Variants in SPHKAP observed in about 807,000 individuals in gnomAD.
The protein encoded by SPHKAP is A-kinase anchor protein SPHKAP.
In SPHKAP, 67 loss-of-function variants were observed where a neutral mutation model predicts 137.5. That is an observed-to-expected ratio of 0.49 (90% CI 0.40 to 0.60). SPHKAP has a LOEUF of 0.60. SPHKAP is among the 20% of genes least tolerant of loss of function. SPHKAP has a pLI of 0.00. For missense variants in SPHKAP, 2,097 were observed against 2,069.3 expected (o/e 1.01, Z -0.26); for synonymous variants, 813 against 785.3 (o/e 1.04, Z -0.59).
chr2:228,118,240 GTTTTTTTTTTT>G (rs71299665), intron 2 of SPHKAP, among the ~76,000 whole-genome samples: 3 of 124,146 alleles, frequency 2.4e-5, no homozygotes, highest in South Asian at 5.5e-4. Flanking sequence ...GAGATACACA[GTTTTTTTTTTT>G]TTTTTTTTTT....
intron 2 of SPHKAP, among the ~76,000 whole-genome samples, chr2:228,114,369 A>C (rs1698638488): frequency 6.6e-6 from 1 of 152,134 alleles, no homozygotes; most frequent in South Asian, 2.1e-4. Context: ...ACAGCCCCAA[A>C]CATGACTGAG....
intron 7 of SPHKAP, among the ~76,000 whole-genome samples, chr2:228,015,747 GC>G (rs1694558116): frequency 6.6e-6 from 1 of 152,122 alleles, no homozygotes; most frequent in African/African-American, 2.4e-5. Flanking sequence ...CTAAAGGGCA[GC>G]CCTTCTAGGA....
chr2:228,155,395 T>C (rs969455692), intron 1 of SPHKAP, among the ~76,000 whole-genome samples: 7 of 152,196 alleles, frequency 4.6e-5, no homozygotes, highest in African/African-American at 1.7e-4. Flanking sequence ...ATGCTCCATA[T>C]AAATCATAAA....
At chr2:228,125,041 C>T (rs1699029578) in intron 2 of SPHKAP, among the ~76,000 whole-genome samples, 1 of 152,160 alleles carries the variant, frequency 6.6e-6, no homozygotes, top group Non-Finnish European at 1.5e-5. Context: ...CAGACTCTGC[C>T]TCTGGGAACC....
At chr2:228,011,482 C>T (rs1348248643) in intron 7 of SPHKAP, among the ~76,000 whole-genome samples, 1 of 152,136 alleles carries the variant, frequency 6.6e-6, no homozygotes, top group Non-Finnish European at 1.5e-5. Flanking sequence ...AAATTCTTTC[C>T]TTTTTTAACC....
At position 228,181,278 on chromosome 2, in the gene SPHKAP, A is replaced by C. The variant is rs2106441071; in HGVS notation, c.32+289T>G. ...CGGCTCCTGGCTCCACCTAGGGCAG[A>C]GCAGACCTCCGTCCCTGGGCCTTAG... On this transcript the variant is annotated intron_variant, in intron 1 of 11. Transcript: ENST00000392056. The surrounding 1 kb of genome is among the most constrained non-coding windows in gnomAD (Gnocchi z 4.3). Among the ~76,000 whole-genome samples, 1 of 152,242 alleles carries C rather than the reference A, an allele frequency of 6.6e-6. No individual in the cohort carries two copies. Among genetic ancestry groups the C allele is most frequent in the Non-Finnish European group, 1.5e-5 (1 of 68,004 alleles).
At chr2:227,996,438 G>T (rs2106169692) in intron 7 of SPHKAP, among the ~76,000 whole-genome samples, 1 of 152,158 alleles carries the variant, frequency 6.6e-6, no homozygotes, top group African/African-American at 2.4e-5. Context: ...GTCCCTTCTT[G>T]CCTGGAACCC....
At chr2:228,127,126 A>C (rs1699101132) in intron 2 of SPHKAP, among the ~76,000 whole-genome samples, 1 of 152,186 alleles carries the variant, frequency 6.6e-6, no homozygotes, top group Admixed American at 6.6e-5. Context: ...AGGCTGATTG[A>C]CTGTGAAGAG....
At position 228,112,912 on chromosome 2, in the gene SPHKAP, A is replaced by C. The variant is rs537566881; in HGVS notation, c.139-3973T>G. Among the ~76,000 whole-genome samples the C allele has an allele frequency of 3.3e-4, 50 of 152,302 alleles. 1 individual carries two copies. The highest frequency in any genetic ancestry group is 3.0e-3 in the Admixed American group (46 of 15,272). ...ACCTGCTCATTCAATGAAAAATTCT[A>C]GAAAGATTTCTCATTTGACTCTTCC... On this transcript the variant is annotated intron_variant, in intron 2 of 11. Transcript: ENST00000392056.
chr2:228,125,364 T>A (rs564036359), intron 2 of SPHKAP, among the ~76,000 whole-genome samples: 16 of 152,372 alleles, frequency 1.1e-4, no homozygotes, highest in Admixed American at 7.8e-4. Flanking sequence ...CATCCATTTT[T>A]AAATTTCATT....
intron 3 of SPHKAP, among the ~76,000 whole-genome samples, chr2:228,052,558 AT>A (rs948961888): frequency 6.6e-6 from 1 of 151,972 alleles, no homozygotes. Context: ...GAGTAAAATA[AT>A]TTTTTTTGCA....
intron 3 of SPHKAP, among the ~76,000 whole-genome samples, chr2:228,065,224 G>A (rs571878531): frequency 3.9e-5 from 6 of 152,212 alleles, no homozygotes; most frequent in African/African-American, 1.2e-4. Context: ...AGAGTCCTTG[G>A]GTCCTTTTTC....
chr2:228,019,618 G>A lies in SPHKAP; in HGVS notation c.1236C>T (p.Ser412=). ...TGACTGCAGATTCCTGGGGTAATGTGGACTGAGATTGAGATAATCTAATAA... is the reference window on the plus strand; with the variant it reads ...TGACTGCAGATTCCTGGGGTAATGTAGACTGAGATTGAGATAATCTAATAA... ...DAFIRLSQSQ[S]TLPQESAVSV... is the part of the protein sequence containing the mutation. The change falls in exon 7 of 12, where the codon TCC becomes TCT. Residue 412 remains serine (S), a synonymous_variant. Transcript: ENST00000392056. 6.2e-7 allele frequency: 1 copy of A among 1,614,122 alleles called. No individual in the cohort carries two copies.
Position 228,025,422 on chromosome 2 carries a change from T to C in SPHKAP, c.413A>G (p.Asn138Ser). ...TGAAACTTCAAAATCTGCCTGGAGA[T>C]TTCCAGAGGCTAACCCACTTAGGAC... ...IVVLSGLASG[N>S]LQADFEVSQC... Residue 138 changes from asparagine (N) to serine (S), a missense_variant, in exon 5 of 12, where the codon AAT becomes AGT. Asn to Ser is a conservative substitution (Grantham distance 46). Coordinates refer to ENST00000392056, the MANE Select transcript of SPHKAP (RefSeq NM_001142644.2). The C allele has an allele frequency of 6.2e-7, 1 of 1,613,856 alleles. No individual in the cohort carries two copies. The highest frequency in any genetic ancestry group is 8.5e-7 in the Non-Finnish European group (1 of 1,179,912).
At chr2:228,028,616 C>T (rs1412173936) in intron 3 of SPHKAP, among the ~76,000 whole-genome samples, 2 of 152,188 alleles carry the variant, frequency 1.3e-5, no homozygotes, top group Non-Finnish European at 2.9e-5. Flanking sequence ...TATACAAATA[C>T]TTAATGATTG....
rs1694750731 is a variant in SPHKAP at position 228,019,484 on chromosome 2, T to C, written c.1370A>G (p.Asp457Gly). The part of the protein sequence containing the change: ...LPKIVVVQSP[D>G]GSDAAPQPGI... ...TGGCTGTGGGGCAGCATCACTGCCA[T>C]CTGGACTCTGAACAACGACGATTTT... is the stretch of plus-strand genomic sequence containing the variant. Residue 457 changes from aspartate (D) to glycine (G), a missense_variant, in exon 7 of 12, where the codon GAT (aspartate) becomes GGT (glycine). Physicochemically the swap from Asp to Gly is moderately conservative, Grantham distance 94. Coordinates refer to ENST00000392056, the MANE Select transcript of SPHKAP (RefSeq NM_001142644.2). The C allele has an allele frequency of 6.2e-7, 1 of 1,614,030 alleles. No homozygotes were observed. The highest frequency in any genetic ancestry group is 8.5e-7 in the Non-Finnish European group (1 of 1,180,036).
chr2:227,983,649 A>C (rs138451459), intron 11 of SPHKAP, among the ~76,000 whole-genome samples: 1 of 152,352 alleles, frequency 6.6e-6, no homozygotes, highest in Non-Finnish European at 1.5e-5. Context: ...GTGGATAAAC[A>C]TTTAGCATCA....
intron 3 of SPHKAP, among the ~76,000 whole-genome samples, chr2:228,059,913 C>T (rs1345882563): frequency 2.0e-5 from 3 of 152,174 alleles, no homozygotes; most frequent in Non-Finnish European, 2.9e-5. Flanking sequence ...AGTGCTTGTA[C>T]ATAACTTAGC....
chr2:228,000,614 TA>T (rs201182996), intron 7 of SPHKAP, among the ~76,000 whole-genome samples: 23 of 104,968 alleles, frequency 2.2e-4, no homozygotes, highest in South Asian at 8.2e-4. Context: ...AGACTCCATC[TA>T]AAAAAAATAA....
Sources: allele counts gnomAD v4.1 joint callset (sites outside exome capture counted in the v4.1 genomes callset), GRCh38; gene constraint gnomAD v4.1.1; non-coding constraint Gnocchi (gnomAD v3.1); transcripts MANE v1.5; gene names NCBI Gene and HGNC (gene_info 2026-07-23, HGNC 2026-07-21).